RBFOX1: variants seen among roughly 807,000 people sequenced by gnomAD.
RBFOX1 encodes the protein RNA binding protein fox-1 homolog 1.
In RBFOX1, 8 loss-of-function variants were observed where a neutral mutation model predicts 57.7. That is an observed-to-expected ratio of 0.14 (90% CI 0.08 to 0.25). RBFOX1 has a LOEUF of 0.25. RBFOX1 is among the 10% of genes least tolerant of loss of function. The pLI, the probability that RBFOX1 is intolerant of heterozygous loss-of-function variation, is 1.00. For missense variants in RBFOX1, 611 were observed against 548.5 expected (o/e 1.11, Z -1.14); for synonymous variants, 326 against 222.4 (o/e 1.47, Z -4.15).
intron 4 of RBFOX1, among the ~76,000 whole-genome samples, chr16:7,111,286 C>G (rs907701059): frequency 6.6e-6 from 1 of 152,216 alleles, no homozygotes; most frequent in Non-Finnish European, 1.5e-5. Context: ...CTTTGCTTTT[C>G]TTCCTAGCTA....
At chr16:7,001,429 TGTATATGTATATGTATA>T (rs2092792934) in intron 3 of RBFOX1, among the ~76,000 whole-genome samples, 1 of 151,152 alleles carries the variant, frequency 6.6e-6, no homozygotes, top group Admixed American at 6.6e-5. Context: ...TATATGTATA[TGTATATGTATATGTATA>T]TGTATATGTA....
At chr16:5,586,899 G>C (rs867762102) in intron 2 of RBFOX1, among the ~76,000 whole-genome samples, 1 of 152,326 alleles carries the variant, frequency 6.6e-6, no homozygotes, top group African/African-American at 2.4e-5. Flanking sequence ...ACTCTTAGCT[G>C]CTCTGTTCTG....
intron 5 of RBFOX1, among the ~76,000 whole-genome samples, chr16:7,524,466 G>A (rs551677904): frequency 2.6e-5 from 4 of 152,300 alleles, no homozygotes; most frequent in South Asian, 4.1e-4. Context: ...GTTAGATACT[G>A]TTCCTGACAA....
chr16:5,527,207 C>G (rs1349139167), intron 2 of RBFOX1, among the ~76,000 whole-genome samples: 1 of 152,134 alleles, frequency 6.6e-6, no homozygotes, highest in Non-Finnish European at 1.5e-5. Flanking sequence ...GCTGTGTTGT[C>G]CTGATGAGGA....
At chr16:6,897,303 T>C (rs2067181631) in intron 3 of RBFOX1, among the ~76,000 whole-genome samples, 1 of 152,274 alleles carries the variant, frequency 6.6e-6, no homozygotes, top group South Asian at 2.1e-4. Flanking sequence ...CTCAGGAGGC[T>C]GAGGAGGGAG....
At chr16:6,266,517 C>T (rs1401151490) in intron 1 of RBFOX1, among the ~76,000 whole-genome samples, 2 of 151,952 alleles carry the variant, frequency 1.3e-5, no homozygotes, top group Non-Finnish European at 2.9e-5. Flanking sequence ...AGTTCGAGAC[C>T]AGCCTGGCCA....
intron 3 of RBFOX1, among the ~76,000 whole-genome samples, chr16:6,976,294 A>G (rs1020712212): frequency 6.6e-6 from 1 of 152,170 alleles, no homozygotes; most frequent in Non-Finnish European, 1.5e-5. Flanking sequence ...GAATTTGAAC[A>G]CAGGCATTCT....
intron 1 of RBFOX1, among the ~76,000 whole-genome samples, chr16:6,133,448 C>G (rs981243424): frequency 6.6e-6 from 1 of 152,198 alleles, no homozygotes; most frequent in African/African-American, 2.4e-5. Context: ...ACATTCCCTG[C>G]CTCTTGGGAT....
chr16:6,560,388 G>T (rs1404931944), intron 2 of RBFOX1, among the ~76,000 whole-genome samples: 1 of 111,638 alleles, frequency 9.0e-6, no homozygotes, highest in Non-Finnish European at 2.0e-5. Context: ...GAGAGGGCCA[G>T]TGTGGGCCTT....
intron 13 of RBFOX1, among the ~76,000 whole-genome samples, chr16:7,665,250 C>T (rs1216943177): frequency 6.6e-6 from 1 of 152,112 alleles, no homozygotes; most frequent in East Asian, 1.9e-4. Flanking sequence ...CTAAAGACCC[C>T]ACTTCACCCA....
chr16:5,614,820 C>T (rs904090551), intron 3 of RBFOX1, among the ~76,000 whole-genome samples: 2 of 152,074 alleles, frequency 1.3e-5, no homozygotes, highest in Non-Finnish European at 1.5e-5. Context: ...TCATTCCTGG[C>T]CAAGATAATA....
At chr16:7,062,879 T>C (rs1442410918) in intron 4 of RBFOX1, among the ~76,000 whole-genome samples, 1 of 140,422 alleles carries the variant, frequency 7.1e-6, no homozygotes, top group Non-Finnish European at 1.5e-5. Flanking sequence ...CCTCATCTCA[T>C]TCAAATGATC....
chr16:5,719,427 G>A (rs2051845455), intron 3 of RBFOX1, among the ~76,000 whole-genome samples: 1 of 151,378 alleles, frequency 6.6e-6, no homozygotes, highest in South Asian at 2.1e-4. Flanking sequence ...CGCCAGGATG[G>A]TCTCAATCTC....
intron 2 of RBFOX1, among the ~76,000 whole-genome samples, chr16:6,464,875 A>T (rs2095006562): frequency 6.6e-6 from 1 of 152,258 alleles, no homozygotes; most frequent in Admixed American, 6.5e-5. Flanking sequence ...ACTATACAGC[A>T]GTAGGAGAAT....
chr16:7,218,076 CGTCTG>C (rs1567754468), intron 4 of RBFOX1, among the ~76,000 whole-genome samples: 13 of 133,968 alleles, frequency 9.7e-5, no homozygotes, highest in South Asian at 4.3e-4. Flanking sequence ...TGTGTGTGTG[CGTCTG>C]TGTGTGTGTG....
chr16:6,131,650 C>T (rs2096630527), intron 1 of RBFOX1, among the ~76,000 whole-genome samples: 1 of 152,204 alleles, frequency 6.6e-6, no homozygotes, highest in Non-Finnish European at 1.5e-5. Context: ...AACATAGTAG[C>T]TACTCTCTTT....
intron 3 of RBFOX1, among the ~76,000 whole-genome samples, chr16:7,037,172 C>T (rs1006932491): frequency 1.3e-5 from 2 of 150,862 alleles, no homozygotes; most frequent in Admixed American, 6.6e-5. Flanking sequence ...CCTATCTTAT[C>T]CTGTGACTTA....
chr16:5,619,458 C>T (rs919532947), intron 3 of RBFOX1, among the ~76,000 whole-genome samples: 5 of 152,272 alleles, frequency 3.3e-5, no homozygotes, highest in East Asian at 1.9e-4. Context: ...CCTCATCTCT[C>T]GCCCCAACCC....
chr16:5,424,834 T>G (rs1368087598), intron 1 of RBFOX1, among the ~76,000 whole-genome samples: 1 of 142,512 alleles, frequency 7.0e-6, no homozygotes, highest in Non-Finnish European at 1.5e-5. Flanking sequence ...CTCTCCTCTC[T>G]TTCTTTCTTT....
Sources: gnomAD v4.1 joint callset for allele counts (sites outside exome capture counted in the v4.1 genomes callset) on GRCh38, gnomAD v4.1.1 for gene constraint, MANE v1.5 for transcripts, NCBI Gene and HGNC (gene_info 2026-07-23, HGNC 2026-07-21) for gene names.